Variants in PRTN3 observed in about 807,000 individuals in gnomAD.
PRTN3 encodes the protein myeloblastin.
In PRTN3, 22 loss-of-function variants were observed where a neutral mutation model predicts 20.7. That is an observed-to-expected ratio of 1.06 (90% CI 0.76 to 1.52). PRTN3 has a LOEUF of 1.52. Among genes scored for constraint, PRTN3 ranks in the 40% most tolerant of loss-of-function variants. The probability of loss-of-function intolerance (pLI) is 0.00; values close to 1 mark genes in which losing one functional copy is unlikely to be tolerated. For missense variants in PRTN3, 378 were observed against 359.6 expected, an observed-to-expected ratio of 1.05 and a Z score of -0.41; for synonymous variants, 173 against 152.9, an observed-to-expected ratio of 1.13 and a Z score of -0.97.
In PRTN3 at chr19:841,828, C is replaced by T. The variant is rs537402125; in HGVS notation, c.61+759C>T. On this transcript the variant is annotated intron_variant, in intron 1 of 4. Transcript: ENST00000234347. ...CTGCAAGCTCAGCCTCCCGGGTTCA[C>T]GCCTTTCTCCTGCCTCAGCCTCCCG... is the stretch of plus-strand genomic sequence containing the variant. Among the ~76,000 whole-genome samples, 70 of 137,928 alleles carry T rather than the reference C, an allele frequency of 5.1e-4. No individual in the cohort carries two copies. In the South Asian group the frequency reaches 6.2e-3, roughly 12 times the overall value. The allele number at this position is 137,928 out of a possible 152,430, so 90.5% of individuals were successfully genotyped here.
chr19:843,991 A>C lies in PRTN3; in HGVS notation c.326A>C (p.Asn109Thr), dbSNP rs780883247. The C allele has an allele frequency of 1.2e-6, 2 of 1,606,732 alleles. No homozygotes were observed. The highest frequency in any genetic ancestry group is 2.2e-5 in the South Asian group (2 of 89,226). ...TCGGTGGCTCAGGTGTTTCTGAACA[A>C]CTACGACGCGGAGAACAAACTGAAC... Reference protein sequence around the residue: ...HFSVAQVFLNNYDAENKLNDV... With the variant: ...HFSVAQVFLNTYDAENKLNDV... Residue 109 changes from asparagine to threonine, a missense_variant, in exon 3 of 5, where the codon AAC becomes ACC. Physicochemically the swap from Asn to Thr is moderately conservative, Grantham distance 65. Coordinates refer to ENST00000234347, the MANE Select transcript of PRTN3 (RefSeq NM_002777.4).
chr19:846,128 C>T lies in PRTN3; in HGVS notation c.370-19C>T, dbSNP rs374653045. The stretch of plus-strand genomic sequence containing the variant: ...TGACCTGGAAGCAGCGTCTCACCGC[C>T]GCCTGCCTTCTGCCCCAGCTGAGCA... On this transcript the variant is annotated intron_variant, in intron 3 of 4. Coordinates refer to ENST00000234347, the MANE Select transcript of PRTN3 (RefSeq NM_002777.4). 3.7e-5 allele frequency: 52 copies of T among 1,403,822 alleles called. No homozygotes were observed. The African/African-American group carries it at 4.0e-4, about 11-fold the overall frequency. The allele number at this position is 1,403,822 out of a possible 1,614,324, so 87.0% of individuals were successfully genotyped here. A position where few individuals can be genotyped will look rare whatever the true frequency, so the allele number is the denominator to read the frequency against.
intron 3 of PRTN3, among the ~76,000 whole-genome samples, chr19:845,304 T>A (rs1054111853): frequency 6.6e-6 from 1 of 151,168 alleles, no homozygotes; most frequent in African/African-American, 2.4e-5. Flanking sequence ...AAGCCACTCA[T>A]GAGCTGAGAT....
Position 843,564 on chromosome 19 carries a change from C to T in PRTN3, c.165C>T (p.Phe55=). 2 of 1,603,082 alleles carry T rather than the reference C, an allele frequency of 1.2e-6. No individual in the cohort carries two copies. The highest frequency in any genetic ancestry group is 1.7e-6 in the Non-Finnish European group (2 of 1,177,594). ...LQMRGNPGSH[F]CGGTLIHPSF... The stretch of plus-strand genomic sequence containing the variant: ...TGCGGGGGAACCCGGGCAGCCACTT[C>T]TGCGGAGGCACCTTGATCCACCCCA... The change falls in exon 2 of 5, where the codon TTC becomes TTT. Residue 55 remains phenylalanine, a synonymous_variant. Coordinates refer to ENST00000234347, the MANE Select transcript of PRTN3 (RefSeq NM_002777.4).
In PRTN3 at chr19:841,449, C is replaced by T. The variant is rs145582152; in HGVS notation, c.61+380C>T. 1.3e-4 allele frequency among the ~76,000 whole-genome samples: 19 copies of T among 151,792 alleles called. No homozygotes were observed. The East Asian group carries it at 3.5e-3, about 28-fold the overall frequency. ...ATGAGTGAGTGAGTGAATGAGTGAA[C>T]AAATGAATGAGTGAATGAATCAATG... On this transcript the variant is annotated intron_variant, in intron 1 of 4. Transcript: ENST00000234347.
chr19:844,281 C>T (rs1333577170), intron 3 of PRTN3, among the ~76,000 whole-genome samples: 52 of 68,776 alleles, frequency 7.6e-4, no homozygotes, highest in African/African-American at 2.6e-3. Flanking sequence ...GCCTCTCCCC[C>T]GCCCGCGCCT....
chr19:843,742 AG>A lies in PRTN3; in HGVS notation c.227+118del, dbSNP rs2035476262. The A allele has an allele frequency of 8.3e-6, 12 of 1,451,496 alleles. No individual in the cohort carries two copies. In the South Asian group the frequency reaches 1.7e-4, roughly 20 times the overall value. 89.9% of individuals were successfully genotyped at this position (1,451,496 alleles called of 1,614,324 possible). On this transcript the variant is annotated intron_variant, in intron 2 of 4. Transcript: ENST00000234347. Reference sequence around the variant, plus strand: ...CAGCTAAGCCCCGTCTGCAGACCCCAGGCCCCGCGCGCGTGGGCAGTTCTGG... The same window carrying A: ...CAGCTAAGCCCCGTCTGCAGACCCCAGCCCCGCGCGCGTGGGCAGTTCTGG...
chr19:847,697 C>T, intron 4 of PRTN3, 102 bp from the exon 5 acceptor site: 1 of 1,415,784 alleles, frequency 7.1e-7, no homozygotes, highest in Admixed American at 2.3e-5. Flanking sequence ...TCCCCATCCT[C>T]CCGGGAGACT....
In PRTN3 at chr19:848,056, G is replaced by C. The variant is rs1002386568; in HGVS notation, c.*87G>C. On this transcript the variant is annotated 3_prime_UTR_variant, in exon 5 of 5. Coordinates refer to ENST00000234347, the MANE Select transcript of PRTN3 (RefSeq NM_002777.4). ...CTTTGGACAGAAGCAGCTCTTCCCC[G>C]AACACTGTGGCGTCCGGGACGGCCC... 6.2e-6 allele frequency: 9 copies of C among 1,459,398 alleles called. No homozygotes were observed. The African/African-American group carries it at 7.0e-5, about 11-fold the overall frequency. The allele number at this position is 1,459,398 out of a possible 1,614,324, so 90.4% of individuals were successfully genotyped here. A position where few individuals can be genotyped will look rare whatever the true frequency, so the allele number is the denominator to read the frequency against.
chr19:841,969 C>T lies in PRTN3; in HGVS notation c.61+900C>T, dbSNP rs969315753. On this transcript the variant is annotated intron_variant, in intron 1 of 4. Coordinates refer to ENST00000234347, the MANE Select transcript of PRTN3 (RefSeq NM_002777.4). ...GTCTCGATCTCCTGACTTCGTGATC[C>T]GCCTGCCTCAGCCTCCCAAAGTGCT... is the stretch of plus-strand genomic sequence containing the variant. 1.8e-4 allele frequency among the ~76,000 whole-genome samples: 28 copies of T among 151,824 alleles called. No individual in the cohort carries two copies. The East Asian group carries it at 1.9e-3, about 11-fold the overall frequency.
At chr19:846,898 G>A (rs984162891) in intron 4 of PRTN3, among the ~76,000 whole-genome samples, 43 of 152,092 alleles carry the variant, frequency 2.8e-4, no homozygotes, top group African/African-American at 9.4e-4. Flanking sequence ...ACCTGCCACC[G>A]TGCCTGGCTA....
intron 3 of PRTN3, among the ~76,000 whole-genome samples, chr19:845,042 G>A (rs1230593819): frequency 1.3e-5 from 2 of 149,356 alleles, no homozygotes; most frequent in Admixed American, 1.4e-4. Context: ...CTGCCTTCCA[G>A]GTTCAAGTAA....
rs899425427 is a variant in PRTN3, at chr19:843,573, C to A, written c.174C>A (p.Gly58=). Residue 58 remains glycine (G), a synonymous_variant, in exon 2 of 5, where the codon GGC becomes GGA. Coordinates refer to ENST00000234347, the MANE Select transcript of PRTN3 (RefSeq NM_002777.4). ...RGNPGSHFCG[G]TLIHPSFVLT... ...ACCCGGGCAGCCACTTCTGCGGAGG[C>A]ACCTTGATCCACCCCAGCTTCGTGC... 4 of 1,602,482 alleles carry A rather than the reference C, an allele frequency of 2.5e-6. No homozygotes were observed. Among genetic ancestry groups the A allele is most frequent in the Non-Finnish European group, 3.4e-6 (4 of 1,177,700 alleles).
intron 3 of PRTN3, among the ~76,000 whole-genome samples, chr19:844,839 C>T (rs768751627): frequency 3.3e-5 from 5 of 152,012 alleles, no homozygotes; most frequent in Admixed American, 6.6e-5. Context: ...CTGTGGCTCA[C>T]GCCTGTACTC....
chr19:842,257 C>T (rs2035453951), intron 1 of PRTN3, among the ~76,000 whole-genome samples: 1 of 150,436 alleles, frequency 6.6e-6, no homozygotes, highest in Non-Finnish European at 1.5e-5. Context: ...AACTCCTGAC[C>T]TGAGGGGGAT....
chr19:844,320 GCGC>G (rs1277130269), intron 3 of PRTN3, among the ~76,000 whole-genome samples: 1 of 92,164 alleles, frequency 1.1e-5, no homozygotes, highest in East Asian at 4.1e-4. Flanking sequence ...TCCCCCGCCC[GCGC>G]CTCTCCCTTG....
intron 4 of PRTN3, 87 bp downstream of exon 4, chr19:846,464 T>G (rs2035518478): frequency 5.4e-6 from 7 of 1,293,054 alleles, no homozygotes; most frequent in Admixed American, 2.5e-5. Flanking sequence ...CTCTTAGCTG[T>G]GTGGCTTCAT....
intron 3 of PRTN3, among the ~76,000 whole-genome samples, chr19:844,270 C>T (rs2145128579): frequency 4.5e-5 from 5 of 111,142 alleles, no homozygotes; most frequent in East Asian, 3.7e-4. Context: ...CTCCCCTGCG[C>T]GCCTCTCCCC....
Position 848,010 on chromosome 19 carries a change from C to A in PRTN3, c.*41C>A, listed in dbSNP as rs1458055422. On this transcript the variant is annotated 3_prime_UTR_variant, in exon 5 of 5. Coordinates refer to ENST00000234347, the MANE Select transcript of PRTN3 (RefSeq NM_002777.4). ...GCGCTGGCCGGGACCCCGAGCCTGG[C>A]TCCAAACCCTCGAGGCGGATCTTTG... The A allele has an allele frequency of 2.6e-6, 4 of 1,558,566 alleles. No individual in the cohort carries two copies. The highest frequency in any genetic ancestry group is 1.2e-5 in the South Asian group (1 of 85,938).
Sources: gnomAD v4.1 joint callset for allele counts (sites outside exome capture counted in the v4.1 genomes callset) on GRCh38, gnomAD v4.1.1 for gene constraint, MANE v1.5 for transcripts, NCBI Gene and HGNC (gene_info 2026-07-23, HGNC 2026-07-21) for gene names.